Variants in COL15A1 observed in about 807,000 individuals in gnomAD.
COL15A1 encodes collagen alpha-1(XV) chain.
A neutral mutation model predicts 165.9 loss-of-function variants in COL15A1; 111 were observed. The ratio of observed to expected loss-of-function variants is 0.67; its 90% CI spans 0.57 to 0.78. The LOEUF (loss-of-function observed/expected upper bound fraction) is 0.78. Ranked by LOEUF, COL15A1 falls within the 30% of genes least tolerant of loss-of-function variation. The pLI is 0.00. For synonymous variants in COL15A1, 659 were observed against 674.8 expected (o/e 0.98, Z 0.36); for missense variants, 1,745 against 1,789.7 (o/e 0.98, Z 0.45).
At position 99,056,384 on chromosome 9, in the gene COL15A1, C is replaced by A; in HGVS notation, c.3317C>A (p.Pro1106His). Reference sequence around the variant, plus strand: ...CCGGGGCCCCCGGGGCCACCAGGACCTCCAGCTATCCTGGGAGCAGGTTAG... The same window carrying A: ...CCGGGGCCCCCGGGGCCACCAGGACATCCAGCTATCCTGGGAGCAGGTTAG... ...GPPGPPGPPG[P>H]PAILGAAVAL... Residue 1106 changes from proline (P) to histidine (H), a missense_variant, in exon 35 of 42, where the codon CCT becomes CAT. Coordinates refer to ENST00000375001, the MANE Select transcript of COL15A1 (RefSeq NM_001855.5). 1 of 1,612,148 alleles carries A rather than the reference C, an allele frequency of 6.2e-7. No homozygotes were observed. Among genetic ancestry groups the A allele is most frequent in the Non-Finnish European group, 8.5e-7 (1 of 1,179,754 alleles).
At chr9:98,951,487 C>T (rs1460479997) in intron 2 of COL15A1, among the ~76,000 whole-genome samples, 2 of 152,238 alleles carry the variant, frequency 1.3e-5, no homozygotes, top group Non-Finnish European at 2.9e-5. Context: ...CTTCAGCTCA[C>T]ATCAAATCAC....
At chr9:98,954,260 G>C (rs558038366) in intron 2 of COL15A1, among the ~76,000 whole-genome samples, 2 of 152,238 alleles carry the variant, frequency 1.3e-5, no homozygotes, top group East Asian at 3.9e-4. Flanking sequence ...ATAATACATA[G>C]TTATTATAAA....
At chr9:99,049,293 C>A (rs1279327832) in intron 28 of COL15A1, among the ~76,000 whole-genome samples, 1 of 152,190 alleles carries the variant, frequency 6.6e-6, no homozygotes, top group Non-Finnish European at 1.5e-5. Context: ...ACATGAGGGA[C>A]CCCCACAGTC....
At chr9:99,027,829 A>G (rs1010877595) in intron 16 of COL15A1, among the ~76,000 whole-genome samples, 1 of 152,254 alleles carries the variant, frequency 6.6e-6, no homozygotes, top group Non-Finnish European at 1.5e-5. Context: ...GAGAGCTGGC[A>G]GGAAACTTTG....
intron 16 of COL15A1, among the ~76,000 whole-genome samples, chr9:99,026,399 A>C (rs1588521705): frequency 6.6e-6 from 1 of 151,526 alleles, no homozygotes; most frequent in African/African-American, 2.4e-5. Flanking sequence ...CATTCTCTCC[A>C]CCCACCCTCC....
intron 2 of COL15A1, among the ~76,000 whole-genome samples, chr9:98,971,474 A>G (rs1564019157): frequency 6.6e-6 from 1 of 151,946 alleles, no homozygotes; most frequent in Non-Finnish European, 1.5e-5. Flanking sequence ...GTACACCGAG[A>G]AGAGCTGACA....
chr9:99,064,911 A>T (rs1175864026), intron 39 of COL15A1, among the ~76,000 whole-genome samples: 2 of 152,234 alleles, frequency 1.3e-5, no homozygotes, highest in Non-Finnish European at 2.9e-5. Context: ...CAGAACTAAT[A>T]CGTATTCATT....
At chr9:99,033,261 G>A (rs535990325) in intron 16 of COL15A1, among the ~76,000 whole-genome samples, 216 of 152,210 alleles carry the variant, frequency 1.4e-3, no homozygotes, top group Non-Finnish European at 2.4e-3. Context: ...GATCTTCCGC[G>A]TGTAGGGTGC....
At chr9:98,964,208 A>AC (rs1011419950) in intron 2 of COL15A1, among the ~76,000 whole-genome samples, 19 of 52,002 alleles carry the variant, frequency 3.7e-4, no homozygotes, top group South Asian at 1.2e-3. Flanking sequence ...CTCCCCTCCC[A>AC]CCCCCCCATT....
intron 9 of COL15A1, among the ~76,000 whole-genome samples, chr9:99,007,514 A>T (rs1234384404): frequency 6.6e-6 from 1 of 152,186 alleles, no homozygotes; most frequent in East Asian, 1.9e-4. Flanking sequence ...TTATTCCTAG[A>T]CAGGTAGGTC....
intron 2 of COL15A1, among the ~76,000 whole-genome samples, chr9:98,971,850 G>C (rs1480731788): frequency 1.3e-5 from 2 of 152,196 alleles, no homozygotes; most frequent in African/African-American, 4.8e-5. Context: ...CAGGATGGGG[G>C]AGCCACCCCA....
chr9:99,068,440 G>A, intron 40 of COL15A1, 115 bp from the exon 41 acceptor site: 1 of 471,596 alleles, frequency 2.1e-6, no homozygotes, highest in Non-Finnish European at 3.6e-6. Flanking sequence ...ACTCCAGCCT[G>A]GCTGGATGAC....
At chr9:99,023,709 C>T (rs1310755989) in intron 14 of COL15A1, among the ~76,000 whole-genome samples, 2 of 152,196 alleles carry the variant, frequency 1.3e-5, no homozygotes, top group South Asian at 2.1e-4. Flanking sequence ...TCTTCCTTTC[C>T]CTGGTGGGCT....
At chr9:99,053,770 C>T (rs1180389110) in intron 31 of COL15A1, among the ~76,000 whole-genome samples, 1 of 152,176 alleles carries the variant, frequency 6.6e-6, no homozygotes, top group Non-Finnish European at 1.5e-5. Context: ...CTCATATTCC[C>T]TCCCCTTCAT....
intron 2 of COL15A1, among the ~76,000 whole-genome samples, chr9:98,978,639 T>A (rs1838183401): frequency 6.6e-6 from 1 of 152,194 alleles, no homozygotes. Flanking sequence ...TTCCTTCTTT[T>A]TTTCTTTCTT....
chr9:98,976,940 G>A (rs1429383089), intron 2 of COL15A1, among the ~76,000 whole-genome samples: 2 of 152,138 alleles, frequency 1.3e-5, no homozygotes, highest in East Asian at 1.9e-4. Flanking sequence ...GAGATGTGTG[G>A]AGCAGTTCCT....
intron 2 of COL15A1, among the ~76,000 whole-genome samples, chr9:98,977,073 A>G (rs1166436586): frequency 6.6e-6 from 1 of 152,236 alleles, no homozygotes; most frequent in Non-Finnish European, 1.5e-5. Flanking sequence ...TAATAGGGAA[A>G]GAAATGGCAG....
intron 2 of COL15A1, among the ~76,000 whole-genome samples, chr9:98,948,596 CAAAAAAAAAA>C (rs67986686): frequency 9.9e-6 from 1 of 100,538 alleles, no homozygotes; most frequent in African/African-American, 3.8e-5. Context: ...GACTCTGTCT[CAAAAAAAAAA>C]AAAAAAAAAA....
chr9:98,973,160 C>T (rs1838088198), intron 2 of COL15A1, among the ~76,000 whole-genome samples: 1 of 152,190 alleles, frequency 6.6e-6, no homozygotes, highest in South Asian at 2.1e-4. Flanking sequence ...AGGACCCCAG[C>T]TCCAGGCTTC....
Sources: allele counts gnomAD v4.1 joint callset (sites outside exome capture counted in the v4.1 genomes callset), GRCh38; gene constraint gnomAD v4.1.1; transcripts MANE v1.5; gene names NCBI Gene and HGNC (gene_info 2026-07-23, HGNC 2026-07-21).